The following SYT14 variants were observed in gnomAD, a reference collection of about 807,000 sequenced individuals.
SYT14 encodes the protein synaptotagmin-14.
In SYT14, 32 loss-of-function variants were observed where a neutral mutation model predicts 74.2. The ratio of observed to expected loss-of-function variants is 0.43; its 90% confidence interval spans 0.33 to 0.58. The LOEUF (loss-of-function observed/expected upper bound fraction) is 0.58, where lower values mean the gene tolerates loss of function less well. Among genes scored for constraint, SYT14 ranks in the 20% least tolerant of loss-of-function variants. The pLI is 0.05. For missense variants in SYT14, 791 were observed against 981.8 expected (o/e 0.81, Z 2.60); for synonymous variants, 298 against 337.7 (o/e 0.88, Z 1.29).
chr1:209,991,866 AC>A lies in SYT14; in HGVS notation c.-485-21766del, dbSNP rs565500402. Among the ~76,000 whole-genome samples the A allele has an allele frequency of 1.1e-4, 16 of 151,920 alleles. No individual in the cohort carries two copies. The South Asian group carries it at 3.3e-3, about 32-fold the overall frequency. On this transcript the variant is annotated intron_variant, in intron 2 of 9. Transcript: ENST00000637265. ...AAAAAAAGTCAAATAACAGATATTG[AC>A]GGGGATGCAGAGAAATGGAAACATA...
intron 5 of SYT14, among the ~76,000 whole-genome samples, chr1:210,072,197 A>G (rs534857641): frequency 5.3e-5 from 8 of 151,584 alleles, no homozygotes; most frequent in South Asian, 2.1e-4. Context: ...TTAGAGATTC[A>G]TAATGTCTTG....
intron 2 of SYT14, among the ~76,000 whole-genome samples, chr1:209,974,838 C>G (rs2079327775): frequency 6.6e-6 from 1 of 152,302 alleles, no homozygotes; most frequent in Middle Eastern, 3.4e-3. Context: ...TTATTCCTAC[C>G]TATGAGCATG....
chr1:210,055,792 A>G (rs79686437), intron 5 of SYT14, among the ~76,000 whole-genome samples: 3 of 151,948 alleles, frequency 2.0e-5, no homozygotes, highest in African/African-American at 7.3e-5. Flanking sequence ...AAAAAAAAAA[A>G]GGATTGTCTC....
intron 3 of SYT14, among the ~76,000 whole-genome samples, chr1:210,015,272 A>G (rs1002597774): frequency 6.6e-6 from 1 of 152,194 alleles, no homozygotes; most frequent in Admixed American, 6.5e-5. Context: ...TTGTGAGCCA[A>G]TGAGAATGAA....
chr1:210,127,051 G>GTAAA (rs1382835276), intron 7 of SYT14, among the ~76,000 whole-genome samples: 1 of 152,128 alleles, frequency 6.6e-6, no homozygotes, highest in Non-Finnish European at 1.5e-5. Context: ...AGGAAAAATG[G>GTAAA]TAAAATGTGC....
intron 6 of SYT14, among the ~76,000 whole-genome samples, chr1:210,096,923 C>T (rs1005477387): frequency 1.3e-5 from 2 of 152,158 alleles, no homozygotes; most frequent in African/African-American, 2.4e-5. Context: ...ATGAATTCTG[C>T]CTATGTCTCA....
rs540953932 is a variant in SYT14 at position 209,981,574 on chromosome 1, C to G, written c.-486+28818C>G. 2.9e-4 allele frequency among the ~76,000 whole-genome samples: 44 copies of G among 151,252 alleles called. No homozygotes were observed. The South Asian group carries it at 8.9e-3, about 31-fold the overall frequency. ...TAGGCAGTCCTCCCACCTTAGCCTC[C>G]CGAGTAGCTGGGACTACAGGTGTGT... is the stretch of plus-strand genomic sequence containing the variant. On this transcript the variant is annotated intron_variant, in intron 2 of 9. Transcript: ENST00000637265.
intron 7 of SYT14, among the ~76,000 whole-genome samples, chr1:210,152,420 TTTTTC>T (rs1182657593): frequency 6.6e-6 from 1 of 152,224 alleles, no homozygotes; most frequent in Non-Finnish European, 1.5e-5. Flanking sequence ...TAGTGTCTTT[TTTTTC>T]TTTTCTTTTT....
intron 2 of SYT14, among the ~76,000 whole-genome samples, chr1:209,975,440 C>T (rs949090537): frequency 1.3e-5 from 2 of 152,114 alleles, no homozygotes; most frequent in African/African-American, 4.8e-5. Flanking sequence ...TTGTCAAAGG[C>T]CTTTTCTGCA....
intron 5 of SYT14, among the ~76,000 whole-genome samples, chr1:210,069,459 A>G (rs2081354727): frequency 6.6e-6 from 1 of 152,020 alleles, no homozygotes. Flanking sequence ...ACATTGTGTT[A>G]TAAGGGACTT....
At chr1:210,051,147 A>C (rs1016044017) in intron 5 of SYT14, among the ~76,000 whole-genome samples, 3 of 152,188 alleles carry the variant, frequency 2.0e-5, no homozygotes, top group African/African-American at 7.2e-5. Flanking sequence ...GGTTCCTAGC[A>C]AAATTCATGT....
chr1:210,095,221 C>T (rs1178203561), intron 6 of SYT14, among the ~76,000 whole-genome samples: 1 of 152,128 alleles, frequency 6.6e-6, no homozygotes, highest in South Asian at 2.1e-4. Context: ...ATAATGAAAA[C>T]TATATAAAGA....
chr1:210,126,509 G>T (rs1343842212), intron 7 of SYT14, among the ~76,000 whole-genome samples: 5 of 152,108 alleles, frequency 3.3e-5, no homozygotes, highest in Non-Finnish European at 5.9e-5. Context: ...CCTGAAAGGG[G>T]GTTAAATTTG....
intron 8 of SYT14, chr1:210,157,024 C>G (rs2083283545): frequency 6.4e-6 from 1 of 156,836 alleles, no homozygotes; most frequent in African/African-American, 2.4e-5. Flanking sequence ...AAAATTAAAG[C>G]TGTTAATGCC....
At chr1:210,065,152 G>A (rs2081273796) in intron 5 of SYT14, among the ~76,000 whole-genome samples, 1 of 152,000 alleles carries the variant, frequency 6.6e-6, no homozygotes, top group South Asian at 2.1e-4. Flanking sequence ...CTTCCATTCT[G>A]TGGACTATCT....
intron 5 of SYT14, among the ~76,000 whole-genome samples, chr1:210,021,474 G>A (rs1014041399): frequency 4.6e-5 from 7 of 152,278 alleles, no homozygotes; most frequent in African/African-American, 7.2e-5. Context: ...AATAATTTAC[G>A]TAATGTGTTA....
At chr1:209,965,209 G>C (rs1265109407) in intron 2 of SYT14, among the ~76,000 whole-genome samples, 1 of 152,188 alleles carries the variant, frequency 6.6e-6, no homozygotes, top group African/African-American at 2.4e-5. Context: ...ATACTCAATA[G>C]TTATTCAACC....
At chr1:210,046,786 AG>A (rs1462643972) in intron 5 of SYT14, among the ~76,000 whole-genome samples, 3 of 152,158 alleles carry the variant, frequency 2.0e-5, no homozygotes, top group Non-Finnish European at 4.4e-5. Context: ...GGGCATTTCC[AG>A]TTTTTTACTA....
chr1:209,954,968 A>G (rs140544992), intron 2 of SYT14, among the ~76,000 whole-genome samples: 387 of 152,156 alleles, frequency 2.5e-3, no homozygotes, highest in African/African-American at 8.6e-3. Flanking sequence ...GGCCTCCCCA[A>G]ATTCTGGGAT....
Sources: allele counts gnomAD v4.1 joint callset (sites outside exome capture counted in the v4.1 genomes callset), GRCh38; gene constraint gnomAD v4.1.1; transcripts MANE v1.5; gene names NCBI Gene and HGNC (gene_info 2026-07-23, HGNC 2026-07-21).